Variants in C9 observed in about 807,000 individuals in gnomAD.
The protein encoded by C9 is complement C9.
In C9, 63 loss-of-function variants were observed where a neutral mutation model predicts 65.4. The observed-to-expected ratio is 0.96, with a 90% CI of 0.79 to 1.19. C9 has a LOEUF of 1.19. Ranked by LOEUF, C9 falls within the 50% of genes most tolerant of loss-of-function variation. The pLI is 0.00. For synonymous variants in C9, 229 were observed against 227.9 expected, an observed-to-expected ratio of 1.00 and a Z score of -0.04; for missense variants, 744 against 670.1, an observed-to-expected ratio of 1.11 and a Z score of -1.22.
At chr5:39,329,852 AATC>A (rs1209376461) in intron 5 of C9, among the ~76,000 whole-genome samples, 9 of 152,316 alleles carry the variant, frequency 5.9e-5, no homozygotes, top group African/African-American at 2.2e-4. Context: ...TAAAGAAAAA[AATC>A]ATCTCTAAGG....
intron 5 of C9, among the ~76,000 whole-genome samples, chr5:39,318,453 C>A (rs1753610496): frequency 6.6e-6 from 1 of 152,148 alleles, no homozygotes; most frequent in Non-Finnish European, 1.5e-5. Flanking sequence ...AAGGAGAATG[C>A]TTCCAACTTT....
At chr5:39,304,036 T>G (rs1753332639) in intron 9 of C9, among the ~76,000 whole-genome samples, 1 of 152,182 alleles carries the variant, frequency 6.6e-6, no homozygotes, top group Admixed American at 6.5e-5. Flanking sequence ...ATTTCAAAAT[T>G]TAATATTAGA....
rs1375624632 is a variant in C9, at chr5:39,359,098, G to GTATATATA, written c.77+5289_77+5290insTATATATA. 9.3e-3 allele frequency among the ~76,000 whole-genome samples: 897 copies of GTATATATA among 96,424 alleles called. 11 individuals are homozygous for GTATATATA. The highest frequency in any genetic ancestry group is 0.038 in the African/African-American group (837 of 22,290). 63.3% of individuals were successfully genotyped at this position (96,424 alleles called of 152,430 possible). On this transcript the variant is annotated intron_variant, in intron 1 of 10. Transcript: ENST00000263408. The stretch of plus-strand genomic sequence containing the variant: ...TGTGTGTATATATATATGTGTGTGT[G>GTATATATA]TGTGTATATATATATATATATATAT...
At chr5:39,336,691 T>C (rs1335091578) in intron 4 of C9, among the ~76,000 whole-genome samples, 1 of 152,200 alleles carries the variant, frequency 6.6e-6, no homozygotes, top group African/African-American at 2.4e-5. Context: ...ATTTGAGTCC[T>C]ACTTTTCATT....
chr5:39,351,082 C>A (rs908013930), intron 1 of C9, among the ~76,000 whole-genome samples: 1 of 152,202 alleles, frequency 6.6e-6, no homozygotes, highest in African/African-American at 2.4e-5. Context: ...GCAGGCCCAA[C>A]ACCATGTGGA....
chr5:39,351,690 A>G (rs1254371763), intron 1 of C9, among the ~76,000 whole-genome samples: 2 of 152,146 alleles, frequency 1.3e-5, no homozygotes, highest in South Asian at 2.1e-4. Context: ...CTAGTTCCCA[A>G]TAAGTTCCTC....
chr5:39,296,369 G>C (rs1753186468), intron 9 of C9, among the ~76,000 whole-genome samples: 1 of 151,100 alleles, frequency 6.6e-6, no homozygotes, highest in African/African-American at 2.4e-5. Context: ...GATCTGAAGA[G>C]CCATTTTGCA....
At chr5:39,348,876 A>G (rs923529950) in intron 1 of C9, among the ~76,000 whole-genome samples, 2 of 152,208 alleles carry the variant, frequency 1.3e-5, no homozygotes, top group African/African-American at 4.8e-5. Flanking sequence ...TTGTAGGGAC[A>G]TGGATAAAGC....
At chr5:39,357,891 C>T (rs1169362931) in intron 1 of C9, among the ~76,000 whole-genome samples, 1 of 152,130 alleles carries the variant, frequency 6.6e-6, no homozygotes, top group Non-Finnish European at 1.5e-5. Flanking sequence ...GCAAATTCTG[C>T]TGGTTTATCT....
chr5:39,349,371 G>T (rs890219756), intron 1 of C9, among the ~76,000 whole-genome samples: 19 of 151,976 alleles, frequency 1.3e-4, no homozygotes, highest in Non-Finnish European at 2.1e-4. Flanking sequence ...AAAAGCCAAG[G>T]AATGAACAAA....
At chr5:39,347,892 C>T (rs925116254) in intron 1 of C9, among the ~76,000 whole-genome samples, 1 of 151,272 alleles carries the variant, frequency 6.6e-6, no homozygotes, top group East Asian at 1.9e-4. Flanking sequence ...TGATCTTTGA[C>T]AAACCTGAGA....
intron 1 of C9, among the ~76,000 whole-genome samples, chr5:39,343,362 A>G (rs10067348): frequency 0.075 from 11,430 of 152,252 alleles, 847 homozygotes; most frequent in African/African-American, 0.19. Context: ...CTTAGCAAAC[A>G]GCACACTAGG....
chr5:39,334,296 C>A (rs10941431), intron 4 of C9, among the ~76,000 whole-genome samples: 1 of 149,114 alleles, frequency 6.7e-6, no homozygotes, highest in Non-Finnish European at 1.5e-5. Flanking sequence ...CGCCTCTGCC[C>A]GGCCGCAACC....
At chr5:39,300,014 A>C (rs1389736265) in intron 9 of C9, among the ~76,000 whole-genome samples, 2 of 152,128 alleles carry the variant, frequency 1.3e-5, no homozygotes, top group African/African-American at 4.8e-5. Context: ...ATTATATTAG[A>C]AAAGGTTTGT....
chr5:39,333,572 C>CTCTCCCTCTCCG (rs995416928), intron 4 of C9, among the ~76,000 whole-genome samples: 31 of 143,440 alleles, frequency 2.2e-4, no homozygotes, highest in East Asian at 1.3e-3. Flanking sequence ...CTCCCTCTCC[C>CTCTCCCTCTCCG]TCTCCCTCTC....
At chr5:39,330,120 G>T (rs1462595146) in intron 5 of C9, among the ~76,000 whole-genome samples, 1 of 152,044 alleles carries the variant, frequency 6.6e-6, no homozygotes, top group Non-Finnish European at 1.5e-5. Flanking sequence ...ACTCTTTTGG[G>T]GGTATTAATC....
At chr5:39,311,773 A>G (rs887934891) in intron 6 of C9, among the ~76,000 whole-genome samples, 7 of 152,202 alleles carry the variant, frequency 4.6e-5, no homozygotes, top group South Asian at 2.1e-4. Context: ...AATTGAAAAC[A>G]TCTCAAATGT....
chr5:39,293,147 A>G (rs1463121492), intron 9 of C9, among the ~76,000 whole-genome samples: 2 of 152,056 alleles, frequency 1.3e-5, no homozygotes, highest in East Asian at 1.9e-4. Context: ...GAAAAAAGAA[A>G]CAAAAGATAT....
At chr5:39,317,779 C>T (rs114472213) in intron 5 of C9, among the ~76,000 whole-genome samples, 3,966 of 152,162 alleles carry the variant, frequency 0.026, 82 homozygotes, top group Middle Eastern at 0.041. Context: ...GGCAGTGTGA[C>T]ACCTCCAGCT....
Sources: allele counts gnomAD v4.1 joint callset (sites outside exome capture counted in the v4.1 genomes callset), GRCh38; gene constraint gnomAD v4.1.1; transcripts MANE v1.5; gene names NCBI Gene and HGNC (gene_info 2026-07-23, HGNC 2026-07-21).